Variants in DIMT1 observed in about 807,000 individuals in gnomAD.
The protein encoded by DIMT1 is dimethyladenosine transferase.
In DIMT1, 36 loss-of-function variants were observed where a neutral mutation model predicts 43.2. The ratio of observed to expected loss-of-function variants is 0.83; its 90% CI spans 0.64 to 1.10. The LOEUF (loss-of-function observed/expected upper bound fraction) is 1.10. DIMT1 is among the 50% of genes least tolerant of loss of function. DIMT1 has a pLI of 0.00. For synonymous variants in DIMT1, 126 were observed against 130.3 expected, an observed-to-expected ratio of 0.97 and a Z score of 0.22; for missense variants, 341 against 385.3, an observed-to-expected ratio of 0.88 and a Z score of 0.96.
intron 4 of DIMT1, 24 bp downstream of exon 4, chr5:62,398,795 CT>C (rs753891874): frequency 1.1e-4 from 176 of 1,613,828 alleles, no homozygotes; most frequent in Admixed American, 2.8e-4. Context: ...TTGAAATGCA[CT>C]TTAATTCTAT....
chr5:62,401,637 C>T (rs1179830247), intron 3 of DIMT1, among the ~76,000 whole-genome samples: 4 of 118,220 alleles, frequency 3.4e-5, no homozygotes, highest in Non-Finnish European at 6.5e-5. Flanking sequence ...GGCTGGAGTG[C>T]AGTGGTGCAA....
intron 3 of DIMT1, among the ~76,000 whole-genome samples, chr5:62,401,495 C>CAAAAAA (rs563279122): frequency 1.7e-5 from 1 of 60,500 alleles, no homozygotes; most frequent in African/African-American, 6.3e-5. Flanking sequence ...ATTCCCTCTC[C>CAAAAAA]AAAAAAAAAA....
intron 3 of DIMT1, among the ~76,000 whole-genome samples, chr5:62,401,711 T>G (rs1742713149): frequency 6.7e-6 from 1 of 148,968 alleles, no homozygotes; most frequent in Non-Finnish European, 1.5e-5. Context: ...GCCTCCCAAG[T>G]AGCTGGGACT....
chr5:62,393,034 G>C, intron 8 of DIMT1, 44 bp from the exon 9 acceptor site: 2 of 1,388,532 alleles, frequency 1.4e-6, no homozygotes, highest in Non-Finnish European at 2.0e-6. Context: ...CAAACTTCTT[G>C]TTCTTGTCTA....
In DIMT1 at chr5:62,403,678, T is replaced by A; in HGVS notation, c.79+16A>T. The stretch of plus-strand genomic sequence containing the variant: ...CCTGACCCGACCGACCCCAGCTTCC[T>A]CGCGGGGATCCGCACCTCCAGCGCT... On this transcript the variant is annotated intron_variant, in intron 1 of 11. Coordinates refer to ENST00000199320, the MANE Select transcript of DIMT1 (RefSeq NM_014473.4). 1 of 1,602,508 alleles carries A rather than the reference T, an allele frequency of 6.2e-7. No homozygotes were observed. Among genetic ancestry groups the A allele is most frequent in the Middle Eastern group, 1.7e-4 (1 of 6,018 alleles).
intron 6 of DIMT1, 115 bp downstream of exon 6, chr5:62,398,396 C>G: frequency 9.9e-7 from 1 of 1,007,766 alleles, no homozygotes; most frequent in South Asian, 1.5e-5. Flanking sequence ...TCAACATTTT[C>G]TACAAAAATT....
chr5:62,390,121 T>C (rs761326416), intron 11 of DIMT1, among the ~76,000 whole-genome samples: 6 of 152,184 alleles, frequency 3.9e-5, no homozygotes, highest in South Asian at 2.1e-4. Flanking sequence ...CAATCTACTC[T>C]CATTTTTTAT....
intron 1 of DIMT1, 142 bp downstream of exon 1, chr5:62,403,552 C>T: frequency 9.5e-7 from 1 of 1,051,652 alleles, no homozygotes; most frequent in Non-Finnish European, 1.4e-6. Context: ...GCGGCCGAGT[C>T]GGGGACCCAC....
In DIMT1 at chr5:62,388,751, AGTT is replaced by A. The variant is rs2112027558; in HGVS notation, c.*256_*258del. On this transcript the variant is annotated 3_prime_UTR_variant, in exon 12 of 12. Coordinates refer to ENST00000199320, the MANE Select transcript of DIMT1 (RefSeq NM_014473.4). ...AAACTGTTAGAAATGATAAGTGTAA[AGTT>A]GTGCGTCTCTGCGGCTCCTGAACTT... is the stretch of plus-strand genomic sequence containing the variant. 1 of 487,928 alleles carries A rather than the reference AGTT, an allele frequency of 2.0e-6. No individual in the cohort carries two copies. 30.2% of individuals were successfully genotyped at this position (487,928 alleles called of 1,614,324 possible).
intron 8 of DIMT1, among the ~76,000 whole-genome samples, chr5:62,393,503 C>A (rs1046984339): frequency 3.3e-5 from 5 of 152,160 alleles, no homozygotes; most frequent in Admixed American, 1.3e-4. Flanking sequence ...TCAGATACTT[C>A]CTGTGTAACA....
intron 2 of DIMT1, among the ~76,000 whole-genome samples, chr5:62,402,450 A>G (rs1027634079): frequency 1.3e-5 from 2 of 152,218 alleles, no homozygotes; most frequent in Admixed American, 6.5e-5. Context: ...CGTATCAACA[A>G]GTTCAAATGG....
At position 62,402,110 on chromosome 5, in the gene DIMT1, G is replaced by A. The variant is rs565838505; in HGVS notation, c.166C>T (p.Pro56Ser). Residue 56 changes from proline to serine, a missense_variant, in exon 3 of 12, where the codon CCA becomes TCA. Transcript: ENST00000199320. ...CCAACTTCCAGCACTACATCAGTTGGTCTTAAGGCAGCCTAAAAGCAAGCA... is the reference window on the plus strand; with the variant it reads ...CCAACTTCCAGCACTACATCAGTTGATCTTAAGGCAGCCTAAAAGCAAGCA... ...NSIIDKAALR[P>S]TDVVLEVGPG... The A allele has an allele frequency of 6.2e-7, 1 of 1,613,824 alleles. No individual in the cohort carries two copies. The highest frequency in any genetic ancestry group is 1.7e-5 in the Admixed American group (1 of 59,982).
At position 62,403,899 on chromosome 5, in the gene DIMT1, G is replaced by C; in HGVS notation, c.-127C>G. The stretch of plus-strand genomic sequence containing the variant: ...CACCACTCTGGCCCAAGCGCCGGAG[G>C]GGCAAGGGTCCGCCCCCTCCCGTAC... On this transcript the variant is annotated 5_prime_UTR_variant, in exon 1 of 12. Transcript: ENST00000199320. 2.0e-6 allele frequency: 2 copies of C among 1,001,174 alleles called. No individual in the cohort carries two copies. The highest frequency in any genetic ancestry group is 2.9e-6 in the Non-Finnish European group (2 of 689,680). The allele number at this position is 1,001,174 out of a possible 1,614,324, so 62.0% of individuals were successfully genotyped here. A position where few individuals can be genotyped will look rare whatever the true frequency, so the allele number is the denominator to read the frequency against.
At chr5:62,394,350 C>T in intron 7 of DIMT1, 134 bp downstream of exon 7, 1 of 974,322 alleles carries the variant, frequency 1.0e-6, no homozygotes, top group Non-Finnish European at 1.6e-6. Context: ...CACCTCTAGT[C>T]CCAGCTACTC....
chr5:62,397,805 C>G (rs1048427612), intron 6 of DIMT1, among the ~76,000 whole-genome samples: 2 of 152,136 alleles, frequency 1.3e-5, no homozygotes, highest in African/African-American at 4.8e-5. Flanking sequence ...CCCGCCACTA[C>G]GCCCGGCTAG....
intron 6 of DIMT1, among the ~76,000 whole-genome samples, chr5:62,396,072 T>C (rs1355565135): frequency 6.7e-6 from 1 of 148,784 alleles, no homozygotes; most frequent in East Asian, 2.0e-4. Flanking sequence ...TTGTAAGTGA[T>C]GATACCAGCA....
chr5:62,400,606 G>T (rs1742665376), intron 3 of DIMT1, among the ~76,000 whole-genome samples: 1 of 150,010 alleles, frequency 6.7e-6, no homozygotes, highest in African/African-American at 2.5e-5. Flanking sequence ...CTGGTCTCAA[G>T]CTCATAGCTT....
intron 11 of DIMT1, 80 bp from the exon 12 acceptor site, chr5:62,389,132 T>C (rs1203662579): frequency 9.1e-6 from 11 of 1,207,568 alleles, no homozygotes; most frequent in Non-Finnish European, 1.3e-5. Flanking sequence ...ATACCATTAA[T>C]ACTAAAACAT....
rs1389230837 is a variant in DIMT1, at chr5:62,396,287, A to G, written c.447-1680T>C. Among the ~76,000 whole-genome samples, 3 of 152,060 alleles carry G rather than the reference A, an allele frequency of 2.0e-5. No homozygotes were observed. In the East Asian group the frequency reaches 5.8e-4, roughly 29 times the overall value. The stretch of plus-strand genomic sequence containing the variant: ...CATTTGGGGAGGCTGAGGTGGGCAG[A>G]TCACTTGAGCTCAGGAGGGGGAGAC... On this transcript the variant is annotated intron_variant, in intron 6 of 11. Coordinates refer to ENST00000199320, the MANE Select transcript of DIMT1 (RefSeq NM_014473.4).
Sources: gnomAD v4.1 joint callset for allele counts (sites outside exome capture counted in the v4.1 genomes callset) on GRCh38, gnomAD v4.1.1 for gene constraint, MANE v1.5 for transcripts, NCBI Gene and HGNC (gene_info 2026-07-23, HGNC 2026-07-21) for gene names.